The following USH2A variants were observed in gnomAD, a reference collection of about 807,000 sequenced individuals.
USH2A encodes usherin.
In USH2A, 443 loss-of-function variants were observed where a neutral mutation model predicts 538.9. That is an observed-to-expected ratio of 0.82 (90% confidence interval 0.76 to 0.89). The LOEUF is 0.89. Ranked by LOEUF, USH2A falls within the 40% of genes least tolerant of loss-of-function variation. USH2A has a pLI of 0.00. For synonymous variants in USH2A, 2,413 were observed against 2,273.5 expected (o/e 1.06, Z -1.75); for missense variants, 6,633 against 6,324.8 (o/e 1.05, Z -1.65).
chr1:215,863,548 G>A (rs1206541182), intron 44 of USH2A, among the ~76,000 whole-genome samples: 1 of 152,126 alleles, frequency 6.6e-6, no homozygotes, highest in African/African-American at 2.4e-5. Context: ...CCCTCTTAAT[G>A]ATGATACCCT....
intron 35 of USH2A, among the ~76,000 whole-genome samples, chr1:215,977,502 A>AAATT (rs10634519): frequency 0.41 from 62,598 of 150,944 alleles, 13,148 homozygotes; most frequent in Middle Eastern, 0.45. Flanking sequence ...ATAATTTTTT[A>AAATT]AATTAATTAA....
intron 22 of USH2A, among the ~76,000 whole-genome samples, chr1:216,091,191 G>A (rs1037606475): frequency 6.6e-6 from 1 of 152,156 alleles, no homozygotes; most frequent in Non-Finnish European, 1.5e-5. Flanking sequence ...TATTATGCAT[G>A]TTGTTCTTTC....
chr1:216,234,166 T>A (rs1360346428), intron 13 of USH2A, among the ~76,000 whole-genome samples: 1 of 152,180 alleles, frequency 6.6e-6, no homozygotes, highest in African/African-American at 2.4e-5. Flanking sequence ...CTAAAACTCA[T>A]TCCAGGCTCT....
chr1:216,049,903 C>G (rs891173568), intron 30 of USH2A, among the ~76,000 whole-genome samples: 4 of 152,240 alleles, frequency 2.6e-5, no homozygotes, highest in Non-Finnish European at 2.9e-5. Context: ...TATTCATCCA[C>G]TTGGCACCGT....
intron 32 of USH2A, among the ~76,000 whole-genome samples, chr1:216,008,001 T>C (rs918584544): frequency 1.3e-5 from 2 of 152,214 alleles, no homozygotes; most frequent in African/African-American, 2.4e-5. Context: ...CCTATGCTTA[T>C]CATAACCACA....
chr1:216,195,166 C>T (rs1049259625), intron 19 of USH2A, among the ~76,000 whole-genome samples: 1 of 152,116 alleles, frequency 6.6e-6, no homozygotes, highest in Admixed American at 6.6e-5. Context: ...GGAATTGTCT[C>T]AGCCAAGTCT....
At chr1:216,010,891 AC>A (rs1220124185) in intron 32 of USH2A, among the ~76,000 whole-genome samples, 1 of 151,544 alleles carries the variant, frequency 6.6e-6, no homozygotes, top group Non-Finnish European at 1.5e-5. Flanking sequence ...ACCTTAACCC[AC>A]AAGTATAAGA....
In USH2A at chr1:216,133,483, C is replaced by T. The variant is rs866166246; in HGVS notation, c.4628-36270G>A. The stretch of plus-strand genomic sequence containing the variant: ...GGTAGAACTCAAAATAGAGAAGCTG[C>T]ACTAAGCATTAAGTGTTCCAAAGCT... On this transcript the variant is annotated intron_variant, in intron 21 of 71. Coordinates refer to ENST00000307340, the MANE Select transcript of USH2A (RefSeq NM_206933.4). 7.2e-5 allele frequency among the ~76,000 whole-genome samples: 11 copies of T among 152,186 alleles called. No homozygotes were observed. In the South Asian group the frequency reaches 2.1e-3, roughly 29 times the overall value.
intron 61 of USH2A, among the ~76,000 whole-genome samples, chr1:215,719,043 C>A (rs1659576552): frequency 6.6e-6 from 1 of 152,200 alleles, no homozygotes; most frequent in African/African-American, 2.4e-5. Context: ...TCCCCACCAA[C>A]TAACTGTCCC....
intron 38 of USH2A, among the ~76,000 whole-genome samples, chr1:215,904,217 T>C (rs947361096): frequency 6.6e-6 from 1 of 152,048 alleles, no homozygotes; most frequent in African/African-American, 2.4e-5. Context: ...AATTAGTTTT[T>C]AATATGCACA....
At chr1:215,899,960 T>C (rs1392701391) in intron 40 of USH2A, 115 bp downstream of exon 40, 3 of 1,480,866 alleles carry the variant, frequency 2.0e-6, no homozygotes, top group Non-Finnish European at 1.9e-6. Context: ...AAGGTTATTG[T>C]CACTAAACAA....
At position 216,175,321 on chromosome 1, in the gene USH2A, T is replaced by A. The variant is rs770790346; in HGVS notation, c.4558A>T (p.Ile1520Phe). 1.9e-6 allele frequency: 3 copies of A among 1,613,790 alleles called. No individual in the cohort carries two copies. Among genetic ancestry groups the A allele is most frequent in the Middle Eastern group, 1.7e-4 (1 of 6,058 alleles). ...CAATACCCATTTCCTATGAAACGGATTCCTTTCATCATCGTGGTCATCAGA... is the reference window on the plus strand; with the variant it reads ...CAATACCCATTTCCTATGAAACGGAATCCTTTCATCATCGTGGTCATCAGA... ...PALMTTMMKG[I>F]RFIGNGYCKF... The change falls in exon 21 of 72, where the codon ATC becomes TTC. Residue 1520 changes from isoleucine (I) to phenylalanine (F), a missense_variant. Ile to Phe is a conservative substitution (Grantham distance 21). Coordinates refer to ENST00000307340, the MANE Select transcript of USH2A (RefSeq NM_206933.4).
intron 44 of USH2A, among the ~76,000 whole-genome samples, chr1:215,856,670 A>G (rs922607002): frequency 6.6e-6 from 1 of 152,170 alleles, no homozygotes; most frequent in Non-Finnish European, 1.5e-5. Flanking sequence ...TAGATTTACC[A>G]TTTGATTCAT....
chr1:216,152,893 C>T (rs1306747163), intron 21 of USH2A, among the ~76,000 whole-genome samples: 1 of 152,170 alleles, frequency 6.6e-6, no homozygotes, highest in African/African-American at 2.4e-5. Flanking sequence ...CCCATATAAA[C>T]CCCAAACCCC....
At chr1:216,343,831 G>A (rs2038124318) in intron 4 of USH2A, among the ~76,000 whole-genome samples, 1 of 152,022 alleles carries the variant, frequency 6.6e-6, no homozygotes, top group African/African-American at 2.4e-5. Context: ...CTAGAATGAA[G>A]AACCAAAGCA....
intron 61 of USH2A, among the ~76,000 whole-genome samples, chr1:215,685,639 T>C (rs1480492104): frequency 6.6e-6 from 1 of 152,140 alleles, no homozygotes; most frequent in Non-Finnish European, 1.5e-5. Flanking sequence ...ATTACAGGCA[T>C]GAGCCACAGA....
chr1:215,626,885 A>T (rs892646150), intron 71 of USH2A, among the ~76,000 whole-genome samples: 1 of 152,216 alleles, frequency 6.6e-6, no homozygotes, highest in African/African-American at 2.4e-5. Flanking sequence ...TCAATGTATT[A>T]TGTTGAATGT....
chr1:216,257,308 G>A (rs1416564081), intron 11 of USH2A, among the ~76,000 whole-genome samples: 5 of 151,576 alleles, frequency 3.3e-5, no homozygotes, highest in African/African-American at 1.2e-4. Flanking sequence ...AGAATCATAA[G>A]TGCACTATTT....
At chr1:216,395,258 C>A (rs2039191624) in intron 3 of USH2A, among the ~76,000 whole-genome samples, 1 of 152,100 alleles carries the variant, frequency 6.6e-6, no homozygotes, top group Admixed American at 6.6e-5. Context: ...TTAATTTCTC[C>A]AACTTGTATC....
Sources: allele counts gnomAD v4.1 joint callset (sites outside exome capture counted in the v4.1 genomes callset), GRCh38; gene constraint gnomAD v4.1.1; transcripts MANE v1.5; gene names NCBI Gene and HGNC (gene_info 2026-07-23, HGNC 2026-07-21).